The following CCDC148 variants were observed in gnomAD, a reference collection of about 807,000 sequenced individuals.
CCDC148 encodes coiled-coil domain containing 148, also known as coiled-coil domain-containing protein 148.
In CCDC148, 89 loss-of-function variants were observed where a neutral mutation model predicts 85.7. The observed-to-expected ratio is 1.04, with a 90% CI of 0.87 to 1.24. The LOEUF is 1.24. Ranked by LOEUF, CCDC148 falls within the 50% of genes most tolerant of loss-of-function variation. CCDC148 has a pLI of 0.00. For missense variants in CCDC148, 692 were observed against 671.7 expected, an observed-to-expected ratio of 1.03 and a Z score of -0.33; for synonymous variants, 230 against 213.9, an observed-to-expected ratio of 1.08 and a Z score of -0.66.
intron 9 of CCDC148, among the ~76,000 whole-genome samples, chr2:158,268,003 G>A (rs1206158975): frequency 6.6e-6 from 1 of 152,140 alleles, no homozygotes; most frequent in African/African-American, 2.4e-5. Flanking sequence ...TTAGTTGTAG[G>A]ACGTTTGGGT....
At chr2:158,437,148 A>T (rs1687696516) in intron 1 of CCDC148, among the ~76,000 whole-genome samples, 1 of 152,216 alleles carries the variant, frequency 6.6e-6, no homozygotes, top group African/African-American at 2.4e-5. Flanking sequence ...TCATCCTGAT[A>T]CCAAAGCCTG....
chr2:158,423,712 A>T (rs567019067), intron 1 of CCDC148, among the ~76,000 whole-genome samples: 1 of 152,368 alleles, frequency 6.6e-6, no homozygotes, highest in Admixed American at 6.5e-5. Context: ...CACAATTGAC[A>T]AATGGGATCT....
At chr2:158,179,613 A>G (rs775991286) in intron 11 of CCDC148, among the ~76,000 whole-genome samples, 9 of 152,094 alleles carry the variant, frequency 5.9e-5, no homozygotes, top group Non-Finnish European at 1.2e-4. Context: ...GAGCTATTAT[A>G]GTGGTCTCCC....
chr2:158,207,249 C>T (rs561568761), intron 11 of CCDC148, among the ~76,000 whole-genome samples: 8 of 152,264 alleles, frequency 5.3e-5, no homozygotes, highest in East Asian at 3.9e-4. Context: ...CCTTATAAGA[C>T]GACAGATAGC....
intron 1 of CCDC148, among the ~76,000 whole-genome samples, chr2:158,433,674 G>A (rs151081621): frequency 6.4e-4 from 98 of 152,292 alleles, no homozygotes; most frequent in African/African-American, 2.0e-3. Context: ...GCATGGTGGT[G>A]CATCGCCTCA....
chr2:158,271,192 G>C (rs1265159507), intron 9 of CCDC148, among the ~76,000 whole-genome samples: 1 of 152,034 alleles, frequency 6.6e-6, no homozygotes, highest in Admixed American at 6.6e-5. Flanking sequence ...AAGCTACTTT[G>C]AGGCTTTTAT....
At chr2:158,431,405 G>A (rs1226572508) in intron 1 of CCDC148, among the ~76,000 whole-genome samples, 3 of 151,090 alleles carry the variant, frequency 2.0e-5, no homozygotes, top group African/African-American at 7.3e-5. Context: ...AGACTTCACA[G>A]ATAAGAATGA....
At chr2:158,430,142 C>T (rs371001246) in intron 1 of CCDC148, among the ~76,000 whole-genome samples, 1 of 152,152 alleles carries the variant, frequency 6.6e-6, no homozygotes, top group East Asian at 1.9e-4. Flanking sequence ...TATTCGAGTT[C>T]ACACAGGGAT....
chr2:158,446,691 T>C (rs1044951314), intron 1 of CCDC148, among the ~76,000 whole-genome samples: 18 of 152,190 alleles, frequency 1.2e-4, no homozygotes, highest in Non-Finnish European at 2.5e-4. Context: ...AATAAATGTA[T>C]TGTTGTGGAA....
At chr2:158,212,439 G>A (rs1045282921) in intron 11 of CCDC148, among the ~76,000 whole-genome samples, 38 of 152,086 alleles carry the variant, frequency 2.5e-4, no homozygotes, top group Non-Finnish European at 1.0e-4. Context: ...GAAAAGACAT[G>A]GAAAATAGAG....
At chr2:158,445,469 C>T (rs1164315401) in intron 1 of CCDC148, among the ~76,000 whole-genome samples, 1 of 152,000 alleles carries the variant, frequency 6.6e-6, no homozygotes, top group African/African-American at 2.4e-5. Flanking sequence ...GTCTGAGATT[C>T]AAATTTATTG....
At chr2:158,454,082 T>A (rs1688507697) in intron 1 of CCDC148, among the ~76,000 whole-genome samples, 1 of 152,218 alleles carries the variant, frequency 6.6e-6, no homozygotes, top group African/African-American at 2.4e-5. Flanking sequence ...AAGGACATTT[T>A]TGTAGGAGAG....
At chr2:158,214,121 T>TAAAAAAA (rs70990697) in intron 11 of CCDC148, among the ~76,000 whole-genome samples, 2 of 96,618 alleles carry the variant, frequency 2.1e-5, no homozygotes, top group Non-Finnish European at 2.0e-5. Context: ...AACATTGTGG[T>TAAAAAAA]AAAAAAAAAA....
intron 1 of CCDC148, among the ~76,000 whole-genome samples, chr2:158,414,906 C>G (rs1686426103): frequency 6.6e-6 from 1 of 152,094 alleles, no homozygotes; most frequent in African/African-American, 2.4e-5. Flanking sequence ...AGCCAGTAGT[C>G]AGACACTCCT....
intron 1 of CCDC148, among the ~76,000 whole-genome samples, chr2:158,438,999 G>A (rs1201488043): frequency 2.6e-5 from 4 of 152,198 alleles, no homozygotes; most frequent in Admixed American, 2.0e-4. Context: ...AGGATGTGGA[G>A]AAATAGGAAC....
intron 9 of CCDC148, among the ~76,000 whole-genome samples, chr2:158,285,302 A>G (rs942093906): frequency 1.3e-5 from 2 of 152,018 alleles, no homozygotes. Flanking sequence ...AAAAAAAAAA[A>G]AAAATCAGTG....
At chr2:158,212,342 TAAAGATCTC>T (rs1386224387) in intron 11 of CCDC148, among the ~76,000 whole-genome samples, 11 of 152,226 alleles carry the variant, frequency 7.2e-5, no homozygotes, top group African/African-American at 2.7e-4. Flanking sequence ...ACATACTCTT[TAAAGATCTC>T]AAACATTAGA....
At chr2:158,396,406 G>C (rs1007049276) in intron 1 of CCDC148, among the ~76,000 whole-genome samples, 1 of 152,062 alleles carries the variant, frequency 6.6e-6, no homozygotes, top group Non-Finnish European at 1.5e-5. Context: ...AAGAATGTCA[G>C]TTGCCATTTA....
At chr2:158,348,981 C>T (rs1683130355) in intron 2 of CCDC148, among the ~76,000 whole-genome samples, 1 of 152,024 alleles carries the variant, frequency 6.6e-6, no homozygotes. Flanking sequence ...TTTAGCCCAA[C>T]TCTATTATTT....
Sources: allele counts gnomAD v4.1 joint callset (sites outside exome capture counted in the v4.1 genomes callset), GRCh38; gene constraint gnomAD v4.1.1; transcripts MANE v1.5; gene names NCBI Gene and HGNC (gene_info 2026-07-23, HGNC 2026-07-21).